The following OPA1 variants were observed in gnomAD, a reference collection of about 807,000 sequenced individuals.
OPA1 encodes dynamin-like GTPase OPA1, mitochondrial.
OPA1 carries 59 observed loss-of-function variants against 152.9 expected under a neutral mutation model. The ratio of observed to expected loss-of-function variants is 0.39; its 90% CI spans 0.31 to 0.48. The LOEUF (loss-of-function observed/expected upper bound fraction) is 0.48, where lower values mean the gene tolerates loss of function less well. OPA1 is among the 20% of genes least tolerant of loss of function. The pLI is 0.96. For synonymous variants in OPA1, 400 were observed against 389.9 expected, an observed-to-expected ratio of 1.03 and a Z score of -0.31; for missense variants, 1,008 against 1,216.8, an observed-to-expected ratio of 0.83 and a Z score of 2.55.
chr3:193,594,374 A>G (rs1312824044), intron 1 of OPA1, among the ~76,000 whole-genome samples: 2 of 152,138 alleles, frequency 1.3e-5, no homozygotes. Flanking sequence ...AAGGAATGGA[A>G]TGCATTCGTT....
At chr3:193,596,628 A>G (rs13315530) in intron 1 of OPA1, among the ~76,000 whole-genome samples, 33,420 of 151,980 alleles carry the variant, frequency 0.22, 3,826 homozygotes, top group South Asian at 0.29. Context: ...ACTTTTAAGA[A>G]AACTCTTAAA....
Position 193,692,081 on chromosome 3 carries a change from A to G in OPA1, c.3002A>G (p.Gln1001Arg). The G allele has an allele frequency of 6.5e-7, 1 of 1,546,330 alleles. No individual in the cohort carries two copies. Among genetic ancestry groups the G allele is most frequent in the Non-Finnish European group, 8.9e-7 (1 of 1,129,908 alleles). ...TCCACAGAGAAAGTTAGAGAAATTC[A>G]AGAAAAACTTGATGCTTTCATTGAA... ...AEDLKKVREI[Q>R]EKLDAFIEAL... Residue 1001 changes from glutamine to arginine, a missense_variant, in exon 30 of 31, where the codon CAA becomes CGA. Around this residue, in one of 7 missense-constraint regions of OPA1, gnomAD observed 137 missense variants for 171.0 expected, o/e 0.80. Coordinates refer to ENST00000361510, the MANE Select transcript of OPA1 (RefSeq NM_130837.3).
chr3:193,673,281 C>T (rs921858167), intron 29 of OPA1, among the ~76,000 whole-genome samples: 12 of 151,996 alleles, frequency 7.9e-5, no homozygotes, highest in African/African-American at 2.9e-4. Flanking sequence ...CAGGGTTGAT[C>T]GGAAAGACAT....
intron 1 of OPA1, among the ~76,000 whole-genome samples, chr3:193,601,270 C>G (rs1390316733): frequency 6.6e-6 from 1 of 152,054 alleles, no homozygotes; most frequent in Admixed American, 6.5e-5. Context: ...AGCTTATCCT[C>G]GTCTATTTCG....
chr3:193,595,934 C>T (rs1560300421), intron 1 of OPA1, among the ~76,000 whole-genome samples: 3 of 152,074 alleles, frequency 2.0e-5, no homozygotes, highest in Admixed American at 6.5e-5. Flanking sequence ...TACATATACC[C>T]TATGTATATA....
At chr3:193,676,874 G>A (rs1383328675) in intron 29 of OPA1, among the ~76,000 whole-genome samples, 2 of 151,792 alleles carry the variant, frequency 1.3e-5, no homozygotes, top group Non-Finnish European at 2.9e-5. Flanking sequence ...CCAGCTGCTG[G>A]GGAGGCTGAG....
chr3:193,662,683 T>C (rs1577319150), intron 25 of OPA1, 139 bp from the exon 26 acceptor site: 1 of 726,804 alleles, frequency 1.4e-6, no homozygotes, highest in Non-Finnish European at 2.3e-6. Context: ...TGTTCTTTCT[T>C]GTGTTTCTTT....
chr3:193,600,851 G>C (rs1436408646), intron 1 of OPA1, among the ~76,000 whole-genome samples: 1 of 152,096 alleles, frequency 6.6e-6, no homozygotes, highest in African/African-American at 2.4e-5. Flanking sequence ...ACATATCGTG[G>C]GTTCCTTTCT....
intron 29 of OPA1, among the ~76,000 whole-genome samples, chr3:193,671,865 G>C (rs868147385): frequency 6.6e-6 from 1 of 152,208 alleles, no homozygotes; most frequent in Admixed American, 6.5e-5. Flanking sequence ...CCCTGAAGAC[G>C]TTGAAACACT....
chr3:193,647,408 A>G (rs1577256470), intron 19 of OPA1, among the ~76,000 whole-genome samples: 1 of 152,202 alleles, frequency 6.6e-6, no homozygotes, highest in South Asian at 2.1e-4. Context: ...CAGAGTTCAA[A>G]CAGATGAGAA....
chr3:193,617,262 T>A lies in OPA1; in HGVS notation c.533T>A (p.Leu178Ter), dbSNP rs727504058. The change falls in exon 4 of 31, where the codon TTA (leucine) becomes TAA (stop). Residue 178 changes from leucine to a stop codon, truncating the protein, a stop_gained. Transcript: ENST00000361510. LOFTEE classifies it high-confidence loss of function. Reference protein sequence around the residue: ...DFDKIVESLSLLKDFFTSGHK... With the variant: ...DFDKIVESLS ...GACAAGATTGTTGAAAGCCTTAGCT[T>A]ATTGAAGGACTTTTTTACCTCAGGT... The A allele has an allele frequency of 1.9e-6, 3 of 1,611,154 alleles. No homozygotes were observed. Among genetic ancestry groups the A allele is most frequent in the Non-Finnish European group, 2.5e-6 (3 of 1,177,660 alleles).
At chr3:193,632,308 C>A (rs1368613434) in intron 8 of OPA1, among the ~76,000 whole-genome samples, 1 of 152,120 alleles carries the variant, frequency 6.6e-6, no homozygotes, top group African/African-American at 2.4e-5. Context: ...AGTGAAACCC[C>A]TTCTCTACTA....
chr3:193,678,918 GCT>G (rs1190100646), intron 29 of OPA1, among the ~76,000 whole-genome samples: 1 of 152,120 alleles, frequency 6.6e-6, no homozygotes. Context: ...ACAAAGGTTA[GCT>G]CTTTGAGTCT....
intron 29 of OPA1, among the ~76,000 whole-genome samples, chr3:193,672,320 A>G (rs939717280): frequency 1.3e-5 from 2 of 152,202 alleles, no homozygotes; most frequent in African/African-American, 4.8e-5. Flanking sequence ...CTGGGCATCA[A>G]TAACAATTGG....
At chr3:193,598,153 A>G (rs1391200625) in intron 1 of OPA1, among the ~76,000 whole-genome samples, 2 of 152,224 alleles carry the variant, frequency 1.3e-5, no homozygotes, top group Non-Finnish European at 2.9e-5. Flanking sequence ...AGATTCCTCA[A>G]AGGGCAGGAG....
chr3:193,610,180 G>T (rs1311112189), intron 1 of OPA1, among the ~76,000 whole-genome samples: 1 of 152,126 alleles, frequency 6.6e-6, no homozygotes, highest in Non-Finnish European at 1.5e-5. Context: ...TCTACCTTTG[G>T]TCTTTGATGA....
intron 11 of OPA1, among the ~76,000 whole-genome samples, chr3:193,640,885 GCAACA>G (rs1274190260): frequency 6.6e-6 from 1 of 152,138 alleles, no homozygotes; most frequent in Non-Finnish European, 1.5e-5. Flanking sequence ...GTTTACAAGT[GCAACA>G]GGGTATGGGC....
chr3:193,618,839 A>G (rs756474187), intron 5 of OPA1, 30 bp from the exon 6 acceptor site: 108 of 1,568,502 alleles, frequency 6.9e-5, no homozygotes, highest in Non-Finnish European at 8.9e-5. Flanking sequence ...ATCACTGGAG[A>G]ATGTAAAGGG....
intron 6 of OPA1, among the ~76,000 whole-genome samples, chr3:193,623,248 C>A (rs1250593842): frequency 3.3e-5 from 5 of 152,130 alleles, no homozygotes; most frequent in Non-Finnish European, 2.9e-5. Flanking sequence ...CCCAAAGGCC[C>A]CACCTCTCAA....
Sources: allele counts gnomAD v4.1 joint callset (sites outside exome capture counted in the v4.1 genomes callset), GRCh38; gene constraint gnomAD v4.1.1; regional missense constraint gnomAD v4.1.1; transcripts MANE v1.5; gene names NCBI Gene and HGNC (gene_info 2026-07-23, HGNC 2026-07-21).